SSH2: variants seen among roughly 807,000 people sequenced by gnomAD.
SSH2 encodes the protein protein phosphatase Slingshot homolog 2.
Under a neutral mutation model 135.2 loss-of-function variants are expected in SSH2, and 37 were observed. That is an observed-to-expected ratio of 0.27 (90% CI 0.21 to 0.36). The LOEUF is 0.36. Among genes scored for constraint, SSH2 ranks in the 10% least tolerant of loss-of-function variants. The pLI is 1.00. For missense variants in SSH2, 1,408 were observed against 1,765.3 expected, an observed-to-expected ratio of 0.80 and a Z score of 3.63; for synonymous variants, 628 against 646.2, an observed-to-expected ratio of 0.97 and a Z score of 0.43.
intron 3 of SSH2, among the ~76,000 whole-genome samples, chr17:29,790,329 A>T (rs1209848002): frequency 4.6e-5 from 7 of 152,090 alleles, no homozygotes; most frequent in African/African-American, 1.7e-4. Context: ...CTTTCTCCCC[A>T]CCAAGTAAGA....
At chr17:29,757,043 C>A (rs539000514) in intron 3 of SSH2, among the ~76,000 whole-genome samples, 2 of 152,130 alleles carry the variant, frequency 1.3e-5, no homozygotes, top group African/African-American at 4.8e-5. Flanking sequence ...TCAGCAGTGA[C>A]GAGAGAACCA....
intron 2 of SSH2, among the ~76,000 whole-genome samples, chr17:29,837,245 G>C (rs8073217): frequency 0.55 from 82,483 of 149,728 alleles, 23,057 homozygotes; most frequent in East Asian, 0.69. Context: ...TGACGCAACA[G>C]AGTGAGACTC....
intron 4 of SSH2, among the ~76,000 whole-genome samples, chr17:29,702,421 G>A (rs1473817529): frequency 2.6e-5 from 4 of 151,462 alleles, no homozygotes; most frequent in Non-Finnish European, 5.9e-5. Flanking sequence ...TCAGGAGGCT[G>A]AGGCAGGCAG....
intron 3 of SSH2, among the ~76,000 whole-genome samples, chr17:29,717,438 T>C (rs370843221): frequency 3.9e-5 from 6 of 152,242 alleles, no homozygotes; most frequent in Admixed American, 6.5e-5. Context: ...GCTCAGCCCA[T>C]TGACAATTAA....
chr17:29,779,120 G>A (rs958277752), intron 3 of SSH2, among the ~76,000 whole-genome samples: 2 of 151,990 alleles, frequency 1.3e-5, no homozygotes, highest in Non-Finnish European at 2.9e-5. Context: ...GGAAGGAAGT[G>A]AAGGAGGGAG....
At chr17:29,844,937 A>G (rs2043106325) in intron 2 of SSH2, among the ~76,000 whole-genome samples, 1 of 152,200 alleles carries the variant, frequency 6.6e-6, no homozygotes. Flanking sequence ...TACTGCATGT[A>G]ATGATTTTCT....
chr17:29,688,008 G>GTT lies in SSH2; in HGVS notation c.358-3326_358-3325dup, dbSNP rs201740279. ...AGTGATATTCATTGCAAACATTAGT[G>GTT]TTTTTTTTTTTTTATTTTTCGAGAT... is the stretch of plus-strand genomic sequence containing the variant. On this transcript the variant is annotated intron_variant, in intron 5 of 15. Coordinates refer to ENST00000540801, the MANE Select transcript of SSH2 (RefSeq NM_001282129.2). Among the ~76,000 whole-genome samples, 139 of 147,520 alleles carry GTT rather than the reference G, an allele frequency of 9.4e-4. 1 individual carries two copies. The highest frequency in any genetic ancestry group is 9.7e-4 in the Non-Finnish European group (65 of 66,772).
intron 9 of SSH2, 121 bp from the exon 10 acceptor site, chr17:29,667,344 G>T: frequency 1.3e-6 from 1 of 769,426 alleles, no homozygotes; most frequent in Non-Finnish European, 2.1e-6. Context: ...TTCCAAAATC[G>T]GTTCTAGAGA....
intron 1 of SSH2, among the ~76,000 whole-genome samples, chr17:29,910,914 C>A (rs890827398): frequency 3.9e-5 from 6 of 152,120 alleles, no homozygotes; most frequent in African/African-American, 1.4e-4. Context: ...AGCATTTTCC[C>A]TTGAAATATA....
intron 4 of SSH2, 114 bp from the exon 5 acceptor site, chr17:29,695,637 CTAAT>C: frequency 2.6e-6 from 2 of 775,982 alleles, no homozygotes; most frequent in Non-Finnish European, 4.2e-6. Context: ...TTAAAGGACT[CTAAT>C]TAGACATAGA....
chr17:29,839,078 A>T (rs922796937), intron 2 of SSH2: 2 of 152,268 alleles, frequency 1.3e-5, no homozygotes, highest in African/African-American at 4.8e-5. Flanking sequence ...TCCAGGAGCC[A>T]TCACGTTCCC....
At chr17:29,697,957 TGAATG>T (rs1453505572) in intron 4 of SSH2, among the ~76,000 whole-genome samples, 1 of 152,222 alleles carries the variant, frequency 6.6e-6, no homozygotes, top group Non-Finnish European at 1.5e-5. Flanking sequence ...TATCAAATGA[TGAATG>T]GATAAATAAA....
intron 4 of SSH2, among the ~76,000 whole-genome samples, chr17:29,701,889 A>AT (rs35686014): frequency 0.1 from 12,970 of 129,168 alleles, 886 homozygotes; most frequent in South Asian, 0.15. Context: ...CTAATTTAAA[A>AT]TTTTTTTTTT....
intron 1 of SSH2, among the ~76,000 whole-genome samples, chr17:29,904,861 G>T (rs1008241891): frequency 6.6e-6 from 1 of 151,928 alleles, no homozygotes; most frequent in Non-Finnish European, 1.5e-5. Context: ...CCAACAACAG[G>T]CAAGCAGGGA....
intron 1 of SSH2, among the ~76,000 whole-genome samples, chr17:29,861,348 A>T (rs1704193458): frequency 6.6e-6 from 1 of 152,048 alleles, no homozygotes; most frequent in South Asian, 2.1e-4. Context: ...TAGGGTTTTT[A>T]TAGTTTTGGG....
chr17:29,650,917 A>T (rs773977530), intron 12 of SSH2, 117 bp from the exon 13 acceptor site: 100 of 811,106 alleles, frequency 1.2e-4, no homozygotes, highest in Non-Finnish European at 1.7e-4. Flanking sequence ...AAATACAAAA[A>T]TAATGAAGAC....
chr17:29,674,025 GAAAT>G, intron 8 of SSH2: 1 of 454,656 alleles, frequency 2.2e-6, no homozygotes, highest in Non-Finnish European at 4.4e-6. Flanking sequence ...TAAATCCATA[GAAAT>G]AGAGTTACTA....
intron 6 of SSH2, among the ~76,000 whole-genome samples, chr17:29,680,433 C>G (rs2037924261): frequency 6.6e-6 from 1 of 151,262 alleles, no homozygotes; most frequent in African/African-American, 2.4e-5. Context: ...CACCTGTAAT[C>G]CCAGCTACTC....
At chr17:29,859,251 A>G (rs1180573420) in intron 1 of SSH2, among the ~76,000 whole-genome samples, 1 of 152,046 alleles carries the variant, frequency 6.6e-6, no homozygotes, top group African/African-American at 2.4e-5. Context: ...TTAACGCATC[A>G]ATCTGACCTC....
Sources: allele counts gnomAD v4.1 joint callset (sites outside exome capture counted in the v4.1 genomes callset), GRCh38; gene constraint gnomAD v4.1.1; transcripts MANE v1.5; gene names NCBI Gene and HGNC (gene_info 2026-07-23, HGNC 2026-07-21).